The following RYR2 variants were observed in gnomAD, a reference collection of about 807,000 sequenced individuals.
The protein encoded by RYR2 is ryanodine receptor 2, also known as cardiac muscle ryanodine receptor-calcium release channel.
A neutral mutation model predicts 601.1 loss-of-function variants in RYR2; 227 were observed. That is an observed-to-expected ratio of 0.38 (90% CI 0.34 to 0.42). The LOEUF is 0.42. RYR2 is among the 10% of genes least tolerant of loss of function. The pLI is 1.00. For missense variants in RYR2, 4,646 were observed against 6,156.5 expected (o/e 0.75, Z 8.21); for synonymous variants, 2,223 against 2,175.1 (o/e 1.02, Z -0.61).
chr1:237,415,163 C>A (rs1260938601), intron 10 of RYR2, among the ~76,000 whole-genome samples: 1 of 152,168 alleles, frequency 6.6e-6, no homozygotes, highest in Non-Finnish European at 1.5e-5. Context: ...TTAGACTGTA[C>A]TTTCCAAGGC....
chr1:237,392,913 G>C (rs1443270402), intron 10 of RYR2, among the ~76,000 whole-genome samples: 1 of 152,140 alleles, frequency 6.6e-6, no homozygotes, highest in African/African-American at 2.4e-5. Context: ...GGCTATAGTA[G>C]TATACACAAA....
rs1487884332 is a variant in RYR2, at chr1:237,064,943, C to CT, written c.48+22375dup. On this transcript the variant is annotated intron_variant, in intron 1 of 104. Transcript: ENST00000366574. Reference sequence around the variant, plus strand: ...AAAGTTTAGTTCAGTACCAGCGTCTCTATCATAACCTGGAACTGAAGTCCC... The same window carrying CT: ...AAAGTTTAGTTCAGTACCAGCGTCTCTTATCATAACCTGGAACTGAAGTCCC... Among the ~76,000 whole-genome samples, 31 of 152,132 alleles carry CT rather than the reference C, an allele frequency of 2.0e-4. 1 individual carries two copies. Among genetic ancestry groups the CT allele is most frequent in the Admixed American group, 1.2e-3 (18 of 15,282 alleles).
chr1:237,809,679 G>A (rs10925516), intron 100 of RYR2, among the ~76,000 whole-genome samples: 14 of 152,058 alleles, frequency 9.2e-5, no homozygotes, highest in African/African-American at 3.1e-4. Context: ...AGCTCCTCAC[G>A]AAAATACCTA....
rs1315632676 is a variant in RYR2, at chr1:237,127,585, G to C, written c.48+85016G>C. ...GGCTGACCCCCCCCACCTCCCTCCC[G>C]GACGGGGTGGCTGCCGGGCGGAGAC... On this transcript the variant is annotated intron_variant, in intron 1 of 104. Transcript: ENST00000366574. Among the ~76,000 whole-genome samples, 70 of 150,550 alleles carry C rather than the reference G, an allele frequency of 4.6e-4. No homozygotes were observed. The East Asian group carries it at 0.014, about 29-fold the overall frequency.
rs199693714 is a variant in RYR2, at chr1:237,441,448, G to A, written c.1135G>A (p.Val379Met). ...ATGGCTTACTTACCAGTCTGTGGAC[G>A]TGAAATCCGTGAGAATGGGATCTAT... Reference protein sequence around the residue: ...GLWLTYQSVDVKSVRMGSIQR... With the variant: ...GLWLTYQSVDMKSVRMGSIQR... Residue 379 changes from valine to methionine, a missense_variant, in exon 13 of 105, where the codon GTG becomes ATG. Val to Met is a conservative substitution (Grantham distance 21). Coordinates refer to ENST00000366574, the MANE Select transcript of RYR2 (RefSeq NM_001035.3). 310 of 1,598,204 alleles carry A rather than the reference G, an allele frequency of 1.9e-4. No individual in the cohort carries two copies. The African/African-American group carries it at 3.4e-3, about 18-fold the overall frequency.
At chr1:237,385,877 A>T (rs913221694) in intron 8 of RYR2, among the ~76,000 whole-genome samples, 15 of 152,256 alleles carry the variant, frequency 9.9e-5, no homozygotes, top group African/African-American at 3.4e-4. Context: ...TAGCTTCTAA[A>T]AGGGAAAAAG....
At chr1:237,772,963 T>C (rs1694387290) in intron 86 of RYR2, among the ~76,000 whole-genome samples, 1 of 152,192 alleles carries the variant, frequency 6.6e-6, no homozygotes, top group African/African-American at 2.4e-5. Context: ...GTTAAATACA[T>C]CTGGTTTATA....
intron 3 of RYR2, among the ~76,000 whole-genome samples, chr1:237,331,770 T>G (rs1335308371): frequency 6.6e-6 from 1 of 151,826 alleles, no homozygotes; most frequent in Non-Finnish European, 1.5e-5. Flanking sequence ...CACCTTGGCC[T>G]CCCAAAGTGC....
chr1:237,654,171 A>G, intron 51 of RYR2, 103 bp from the exon 52 acceptor site: 1 of 1,402,412 alleles, frequency 7.1e-7, no homozygotes, highest in Non-Finnish European at 9.7e-7. Flanking sequence ...TTCACTTCAG[A>G]TGACCTTATA....
chr1:237,748,847 C>G (rs750873332), intron 80 of RYR2, among the ~76,000 whole-genome samples: 1 of 152,212 alleles, frequency 6.6e-6, no homozygotes, highest in African/African-American at 2.4e-5. Flanking sequence ...GCTTCTGTAG[C>G]CAACAAGTAC....
At chr1:237,262,251 T>TTG (rs1553370133) in intron 1 of RYR2, among the ~76,000 whole-genome samples, 3 of 103,746 alleles carry the variant, frequency 2.9e-5, no homozygotes, top group Non-Finnish European at 5.4e-5. Flanking sequence ...AAGAGTTTTT[T>TTG]TTTTTTTTTT....
intron 1 of RYR2, among the ~76,000 whole-genome samples, chr1:237,261,241 G>T (rs1688483439): frequency 6.6e-6 from 1 of 152,096 alleles, no homozygotes; most frequent in African/African-American, 2.4e-5. Context: ...CTCCCTCCCT[G>T]AATGGTTGCA....
intron 1 of RYR2, among the ~76,000 whole-genome samples, chr1:237,254,577 C>T (rs1687769429): frequency 6.6e-6 from 1 of 152,148 alleles, no homozygotes; most frequent in Admixed American, 6.5e-5. Flanking sequence ...AGAATGTCTA[C>T]CACTTGTTTA....
chr1:237,566,429 GA>G lies in RYR2; in HGVS notation c.3215-136del, dbSNP rs1672092286. ...CTTGGTAAAATGGGAAAGAAGATAAGAAGGTATCATTATCATCATCGCTCTA... is the reference window on the plus strand; with the variant it reads ...CTTGGTAAAATGGGAAAGAAGATAAGAGGTATCATTATCATCATCGCTCTA... On this transcript the variant is annotated intron_variant, in intron 27 of 104. Transcript: ENST00000366574. 6 of 862,654 alleles carry G rather than the reference GA, an allele frequency of 7.0e-6. No homozygotes were observed. In the East Asian group the frequency reaches 1.6e-4, roughly 24 times the overall value. The allele number at this position is 862,654 out of a possible 1,614,324, so 53.4% of individuals were successfully genotyped here.
At chr1:237,772,253 C>T (rs900102170) in intron 86 of RYR2, among the ~76,000 whole-genome samples, 153 bp downstream of exon 86, 1 of 152,182 alleles carries the variant, frequency 6.6e-6, no homozygotes, top group African/African-American at 2.4e-5. Context: ...TAGAGCAAAA[C>T]AGCCACTGTT....
intron 2 of RYR2, among the ~76,000 whole-genome samples, chr1:237,281,494 G>A (rs929633654): frequency 3.9e-5 from 6 of 152,146 alleles, no homozygotes; most frequent in Non-Finnish European, 8.8e-5. Flanking sequence ...AAACCTACCT[G>A]GAGTTCACCT....
intron 25 of RYR2, among the ~76,000 whole-genome samples, chr1:237,546,993 A>T (rs2779381): frequency 0.33 from 41,498 of 127,570 alleles, 7,933 homozygotes; most frequent in South Asian, 0.39. Flanking sequence ...ATATATATAT[A>T]TATTTATTTA....
intron 4 of RYR2, among the ~76,000 whole-genome samples, chr1:237,357,459 C>G (rs1699401841): frequency 6.6e-6 from 1 of 152,168 alleles, no homozygotes; most frequent in South Asian, 2.1e-4. Flanking sequence ...TATTGACCAA[C>G]CACTCAAGCT....
rs74147254 is a variant in RYR2 at position 237,387,067 on chromosome 1, C to A, written c.577-214C>A. Among the ~76,000 whole-genome samples, 2,536 of 152,330 alleles carry A rather than the reference C, an allele frequency of 0.017. 76 individuals are homozygous for A. Among genetic ancestry groups the A allele is most frequent in the African/African-American group, 0.058 (2,410 of 41,574 alleles). Reference sequence around the variant, plus strand: ...GCATATTTTGATTATTGACTTAAGTCAGTAACTGTTAGAATGAAGTTTAAA... The same window carrying A: ...GCATATTTTGATTATTGACTTAAGTAAGTAACTGTTAGAATGAAGTTTAAA... On this transcript the variant is annotated intron_variant, in intron 8 of 104. Transcript: ENST00000366574.
Sources: allele counts gnomAD v4.1 joint callset (sites outside exome capture counted in the v4.1 genomes callset), GRCh38; gene constraint gnomAD v4.1.1; transcripts MANE v1.5; gene names NCBI Gene and HGNC (gene_info 2026-07-23, HGNC 2026-07-21).